The following TMEM229B variants were observed in gnomAD, a reference collection of about 807,000 sequenced individuals.
The protein encoded by TMEM229B is transmembrane protein 229B, also known as chromosome 14 open reading frame 83.
A neutral mutation model predicts 13.7 loss-of-function variants in TMEM229B; 6 were observed. The ratio of observed to expected loss-of-function variants is 0.44; its 90% confidence interval spans 0.24 to 0.86. The LOEUF (loss-of-function observed/expected upper bound fraction) is 0.86, where lower values mean the gene tolerates loss of function less well. Among genes scored for constraint, TMEM229B ranks in the 40% least tolerant of loss-of-function variants. The pLI is 0.23. For missense variants in TMEM229B, 170 were observed against 236.0 expected (o/e 0.72, Z 1.83); for synonymous variants, 107 against 102.1 (o/e 1.05, Z -0.29).
At chr14:67,494,621 C>G (rs2032295270) in intron 1 of TMEM229B, among the ~76,000 whole-genome samples, 1 of 152,196 alleles carries the variant, frequency 6.6e-6, no homozygotes, top group Non-Finnish European at 1.5e-5. Context: ...TAGGGGATGC[C>G]TAGACCAGCT....
intron 1 of TMEM229B, among the ~76,000 whole-genome samples, chr14:67,507,630 A>G (rs951125805): frequency 6.6e-6 from 1 of 152,080 alleles, no homozygotes; most frequent in African/African-American, 2.4e-5. Context: ...GTGTAAAGAC[A>G]AGGTCTCACT....
At chr14:67,506,743 T>C (rs941958680) in intron 1 of TMEM229B, among the ~76,000 whole-genome samples, 16 of 152,204 alleles carry the variant, frequency 1.1e-4, no homozygotes, top group African/African-American at 3.4e-4. Flanking sequence ...CCCAACACTT[T>C]GGGAGGCCAA....
At chr14:67,513,467 C>T (rs2033094976) in intron 1 of TMEM229B, among the ~76,000 whole-genome samples, 1 of 152,188 alleles carries the variant, frequency 6.6e-6, no homozygotes, top group Non-Finnish European at 1.5e-5. Context: ...TCCGTTGCTC[C>T]TGTACCTATA....
intron 1 of TMEM229B, among the ~76,000 whole-genome samples, chr14:67,504,743 G>A (rs971033195): frequency 2.0e-5 from 3 of 152,040 alleles, no homozygotes; most frequent in African/African-American, 7.3e-5. Flanking sequence ...AAATTATCTG[G>A]GCGTGGTGGC....
upstream of TMEM229B, among the ~76,000 whole-genome samples, chr14:67,492,139 A>G (rs552668744): frequency 2.7e-5 from 4 of 149,634 alleles, no homozygotes; most frequent in South Asian, 8.5e-4. Context: ...AAAGTCCCCC[A>G]CTGAGCAAAC....
chr14:67,525,127 A>G (rs930221276), intron 1 of TMEM229B, among the ~76,000 whole-genome samples: 1 of 152,208 alleles, frequency 6.6e-6, no homozygotes, highest in Non-Finnish European at 1.5e-5. Context: ...ATAATATAGA[A>G]AAGAACAAAG....
chr14:67,477,262 C>T (rs915570330), intron 2 of TMEM229B, among the ~76,000 whole-genome samples: 2 of 152,178 alleles, frequency 1.3e-5, no homozygotes, highest in Admixed American at 6.5e-5. Flanking sequence ...GACCTTGCCC[C>T]GATTGACATC....
intron 1 of TMEM229B, among the ~76,000 whole-genome samples, chr14:67,527,797 A>C (rs533357011): frequency 1.3e-5 from 2 of 152,228 alleles, no homozygotes; most frequent in Non-Finnish European, 2.9e-5. Context: ...AGTTGCTGAG[A>C]TGTCCTCAGA....
intron 2 of TMEM229B, among the ~76,000 whole-genome samples, chr14:67,475,403 T>G (rs1429732704): frequency 5.9e-5 from 9 of 152,180 alleles, no homozygotes; most frequent in Admixed American, 5.9e-4. Context: ...CAAGTACATA[T>G]GCAGAAGTGG....
chr14:67,499,536 G>C (rs1181130786), intron 1 of TMEM229B, among the ~76,000 whole-genome samples: 1 of 152,222 alleles, frequency 6.6e-6, no homozygotes, highest in South Asian at 2.1e-4. Context: ...GATGTGTTTA[G>C]ATGAAGTCAA....
intron 1 of TMEM229B, among the ~76,000 whole-genome samples, chr14:67,496,740 T>C (rs1291548642): frequency 6.8e-6 from 1 of 146,040 alleles, no homozygotes; most frequent in East Asian, 2.0e-4. Flanking sequence ...CTCTCTCTCT[T>C]TCTTTCCTTC....
At chr14:67,532,769 C>T (rs1225913545) in intron 1 of TMEM229B, among the ~76,000 whole-genome samples, 2 of 152,316 alleles carry the variant, frequency 1.3e-5, no homozygotes, top group South Asian at 2.1e-4. Context: ...ATTTGGTCTG[C>T]CAGACTGAAA....
At chr14:67,476,396 G>C (rs897697708) in intron 2 of TMEM229B, among the ~76,000 whole-genome samples, 1 of 152,106 alleles carries the variant, frequency 6.6e-6, no homozygotes, top group African/African-American at 2.4e-5. Flanking sequence ...AGAACAACCT[G>C]GCCGACATGG....
intron 1 of TMEM229B, among the ~76,000 whole-genome samples, chr14:67,501,588 T>C (rs2032613164): frequency 6.6e-6 from 1 of 152,150 alleles, no homozygotes; most frequent in Non-Finnish European, 1.5e-5. Flanking sequence ...GCTATAGTTA[T>C]ATTGGAGCCA....
upstream of TMEM229B, among the ~76,000 whole-genome samples, chr14:67,489,718 C>T (rs142898166): frequency 4.3e-3 from 659 of 152,310 alleles, 6 homozygotes; most frequent in African/African-American, 0.015. Flanking sequence ...TAGCCGGGCG[C>T]GGTGGCTCAC....
chr14:67,511,994 A>G (rs962841278), intron 1 of TMEM229B, among the ~76,000 whole-genome samples: 4 of 152,224 alleles, frequency 2.6e-5, no homozygotes, highest in Admixed American at 6.5e-5. Context: ...CCACAGCTCA[A>G]AGTCTGAGGC....
At chr14:67,533,052 G>A (rs1010752595) in intron 1 of TMEM229B, among the ~76,000 whole-genome samples, 1 of 152,124 alleles carries the variant, frequency 6.6e-6, no homozygotes, top group Admixed American at 6.5e-5. Flanking sequence ...GTGGGAGGCT[G>A]GAGCCTGCTG....
upstream of TMEM229B, among the ~76,000 whole-genome samples, chr14:67,491,525 G>T (rs1469712203): frequency 6.6e-6 from 1 of 152,154 alleles, no homozygotes; most frequent in Non-Finnish European, 1.5e-5. Context: ...AATAACAAAA[G>T]ACATTCCTTT....
chr14:67,526,176 T>C (rs927897844), intron 1 of TMEM229B, among the ~76,000 whole-genome samples: 2 of 152,228 alleles, frequency 1.3e-5, no homozygotes, highest in Non-Finnish European at 2.9e-5. Flanking sequence ...ACTCTCCATA[T>C]CACCACTCTG....
Sources: allele counts gnomAD v4.1 joint callset (sites outside exome capture counted in the v4.1 genomes callset), GRCh38; gene constraint gnomAD v4.1.1; transcripts MANE v1.5; gene names NCBI Gene and HGNC (gene_info 2026-07-23, HGNC 2026-07-21).